The following FSTL4 variants were observed in gnomAD, a reference collection of about 807,000 sequenced individuals.
The protein encoded by FSTL4 is follistatin-related protein 4.
Under a neutral mutation model 78.2 loss-of-function variants are expected in FSTL4, and 28 were observed. That is an observed-to-expected ratio of 0.36 (90% CI 0.27 to 0.49). FSTL4 has a LOEUF of 0.49. FSTL4 is among the 20% of genes least tolerant of loss of function. FSTL4 has a pLI of 0.98. For missense variants in FSTL4, 922 were observed against 1,084.9 expected, an observed-to-expected ratio of 0.85 and a Z score of 2.11; for synonymous variants, 422 against 440.5, an observed-to-expected ratio of 0.96 and a Z score of 0.53.
intron 3 of FSTL4, among the ~76,000 whole-genome samples, chr5:133,522,149 C>A (rs949536173): frequency 1.3e-5 from 2 of 152,144 alleles, no homozygotes; most frequent in Non-Finnish European, 2.9e-5. Flanking sequence ...AGGCTTGAGT[C>A]TATGCACATG....
At position 133,610,119 on chromosome 5, in the gene FSTL4, T is replaced by A. The variant is rs1761060754; in HGVS notation, c.-11+2206A>T. On this transcript the variant is annotated intron_variant, in intron 1 of 15. Transcript: ENST00000265342. ...TAACGTGAAGGTCACATTTAAAAAG[T>A]CCTACGGCCCTTAGTAAAAGGAAAA... is the stretch of plus-strand genomic sequence containing the variant. 5.3e-5 allele frequency among the ~76,000 whole-genome samples: 8 copies of A among 152,286 alleles called. No individual in the cohort carries two copies. The South Asian group carries it at 1.7e-3, about 32-fold the overall frequency.
intron 4 of FSTL4, among the ~76,000 whole-genome samples, chr5:133,351,241 T>C (rs1754817005): frequency 6.6e-6 from 1 of 152,192 alleles, no homozygotes; most frequent in Non-Finnish European, 1.5e-5. Context: ...GGTAATGTCT[T>C]TTATCTCTGG....
chr5:133,318,229 C>T (rs1227912856), intron 4 of FSTL4, among the ~76,000 whole-genome samples: 1 of 152,218 alleles, frequency 6.6e-6, no homozygotes, highest in African/African-American at 2.4e-5. Context: ...ACCTTGCTTG[C>T]ATCCCTCTTT....
At chr5:133,558,985 G>A (rs1320318705) in intron 3 of FSTL4, among the ~76,000 whole-genome samples, 3 of 152,204 alleles carry the variant, frequency 2.0e-5, no homozygotes, top group Non-Finnish European at 4.4e-5. Context: ...GAAGCAGAGA[G>A]ATTAAAGATT....
intron 8 of FSTL4, among the ~76,000 whole-genome samples, chr5:133,228,867 C>A (rs1464879682): frequency 6.6e-6 from 1 of 152,148 alleles, no homozygotes; most frequent in Non-Finnish European, 1.5e-5. Context: ...ATACCAGACT[C>A]CCAATGTCAC....
At chr5:133,479,330 G>T (rs529343190) in intron 3 of FSTL4, among the ~76,000 whole-genome samples, 1 of 152,232 alleles carries the variant, frequency 6.6e-6, no homozygotes, top group Non-Finnish European at 1.5e-5. Context: ...CAACCAGAAG[G>T]CACCGGCCTG....
chr5:133,624,677 T>G, the FSTL4 span, among the ~76,000 whole-genome samples: 2 of 151,976 alleles, frequency 1.3e-5, no homozygotes, highest in Non-Finnish European at 2.9e-5. Flanking sequence ...TATGTATCTG[T>G]GTCTCTAACA....
intron 2 of FSTL4, among the ~76,000 whole-genome samples, chr5:133,578,596 C>T (rs1259053069): frequency 1.3e-5 from 2 of 152,166 alleles, no homozygotes; most frequent in African/African-American, 4.8e-5. Flanking sequence ...GATAGGTGCC[C>T]ATCTTCAGAA....
intron 4 of FSTL4, among the ~76,000 whole-genome samples, chr5:133,395,329 G>C (rs1755994387): frequency 6.6e-6 from 1 of 152,140 alleles, no homozygotes; most frequent in African/African-American, 2.4e-5. Flanking sequence ...AACAACTCCA[G>C]ACGCGCCGCC....
the FSTL4 span, among the ~76,000 whole-genome samples, chr5:133,787,257 C>G: frequency 6.6e-6 from 1 of 152,132 alleles, no homozygotes; most frequent in Non-Finnish European, 1.5e-5. Context: ...AATTGGGTAG[C>G]CTCTATCTTA....
the FSTL4 span, among the ~76,000 whole-genome samples, chr5:133,638,921 G>GT: frequency 1.4e-5 from 1 of 69,526 alleles, no homozygotes; most frequent in Non-Finnish European, 2.8e-5. Context: ...ATGTATTTTA[G>GT]GTTTTTTTTA....
At chr5:133,241,935 C>T (rs941247859) in intron 7 of FSTL4, among the ~76,000 whole-genome samples, 1 of 152,196 alleles carries the variant, frequency 6.6e-6, no homozygotes, top group Admixed American at 6.5e-5. Context: ...TTCTATGGCT[C>T]ATTTCAGGGA....
intron 2 of FSTL4, among the ~76,000 whole-genome samples, chr5:133,593,104 G>A (rs1760665768): frequency 6.6e-6 from 1 of 152,088 alleles, no homozygotes; most frequent in African/African-American, 2.4e-5. Flanking sequence ...GGACGACAGA[G>A]GAAGCTGGGA....
At chr5:133,357,913 C>T (rs1754976201) in intron 4 of FSTL4, among the ~76,000 whole-genome samples, 1 of 152,198 alleles carries the variant, frequency 6.6e-6, no homozygotes, top group South Asian at 2.1e-4. Context: ...CTAGCTGAGT[C>T]TGGGCAGAGG....
the FSTL4 span, among the ~76,000 whole-genome samples, chr5:133,679,667 C>G: frequency 1.1e-4 from 16 of 152,242 alleles, no homozygotes; most frequent in African/African-American, 2.9e-4. Context: ...TGCAAACAGG[C>G]CACAGCCAGT....
At chr5:133,322,239 ACCCCCACACC>A (rs1561671650) in intron 4 of FSTL4, among the ~76,000 whole-genome samples, 76 of 74,442 alleles carry the variant, frequency 1.0e-3, no homozygotes, top group Admixed American at 1.8e-3. Context: ...ACACACACAC[ACCCCCACACC>A]CACCCACACC....
At chr5:133,719,087 T>C in the FSTL4 span, among the ~76,000 whole-genome samples, 1 of 152,272 alleles carries the variant, frequency 6.6e-6, no homozygotes, top group Non-Finnish European at 1.5e-5. Context: ...AGTAATCTTC[T>C]GTTTTTGAAT....
At chr5:133,699,661 C>T in the FSTL4 span, among the ~76,000 whole-genome samples, 1 of 152,100 alleles carries the variant, frequency 6.6e-6, no homozygotes, top group Admixed American at 6.5e-5. Context: ...GCGGGAGGAT[C>T]ACGAGGTCAG....
Position 133,603,909 on chromosome 5 carries a change from G to A in FSTL4, c.75C>T (p.Asp25=), listed in dbSNP as rs1304739108. Residue 25 remains aspartate (D), a synonymous_variant, in exon 2 of 16, where the codon GAC becomes GAT. Coordinates refer to ENST00000265342, the MANE Select transcript of FSTL4 (RefSeq NM_015082.2). ...ASLPAALGWM[D]PGTSRGPDVG... ...CATCCGGGCCTCTGCTGGTTCCTGG[G>A]TCCATCCATCCCAGCGCAGCCGGCA... 6.2e-7 allele frequency: 1 copy of A among 1,613,898 alleles called. No individual in the cohort carries two copies. The highest frequency in any genetic ancestry group is 8.5e-7 in the Non-Finnish European group (1 of 1,179,874).
Sources: gnomAD v4.1 joint callset for allele counts (sites outside exome capture counted in the v4.1 genomes callset) on GRCh38, gnomAD v4.1.1 for gene constraint, MANE v1.5 for transcripts, NCBI Gene and HGNC (gene_info 2026-07-23, HGNC 2026-07-21) for gene names.